Variants in CNOT1 observed in about 807,000 individuals in gnomAD.
The protein encoded by CNOT1 is CCR4-NOT transcription complex subunit 1.
Under a neutral mutation model 273.8 loss-of-function variants are expected in CNOT1, and 15 were observed. The observed-to-expected ratio is 0.05, with a 90% CI of 0.04 to 0.08. The LOEUF (loss-of-function observed/expected upper bound fraction) is 0.08. Among genes scored for constraint, CNOT1 ranks in the 10% least tolerant of loss-of-function variants. CNOT1 has a pLI of 1.00. For missense variants in CNOT1, 1,644 were observed against 2,912.2 expected, an observed-to-expected ratio of 0.56 and a Z score of 10.02; for synonymous variants, 1,022 against 1,005.5, an observed-to-expected ratio of 1.02 and a Z score of -0.31.
chr16:58,535,109 A>G (rs532480210), intron 39 of CNOT1, among the ~76,000 whole-genome samples: 2 of 152,340 alleles, frequency 1.3e-5, no homozygotes, highest in East Asian at 3.9e-4. Flanking sequence ...CAAACAAAAA[A>G]AGACAACAGT....
intron 16 of CNOT1, among the ~76,000 whole-genome samples, chr16:58,570,066 G>GA (rs1358118879): frequency 6.6e-6 from 1 of 152,188 alleles, no homozygotes; most frequent in African/African-American, 2.4e-5. Context: ...ATGGAGGACA[G>GA]AAAGCAGTGG....
rs567298530 is a variant in CNOT1 at position 58,571,748 on chromosome 16, C to T, written c.1979+2861G>A. Among the ~76,000 whole-genome samples the T allele has an allele frequency of 9.2e-5, 14 of 152,092 alleles. No homozygotes were observed. In the East Asian group the frequency reaches 2.1e-3, roughly 23 times the overall value. ...ATCCCAGCACTTTGGGAGGCTGAGG[C>T]GAGTGGATCACTTGAGGTCAGGAGT... On this transcript the variant is annotated intron_variant, in intron 16 of 48. Coordinates refer to ENST00000317147, the MANE Select transcript of CNOT1 (RefSeq NM_016284.5).
At chr16:58,531,823 C>CTAA (rs2039787141) in intron 42 of CNOT1, 135 bp downstream of exon 42, 1 of 1,084,412 alleles carries the variant, frequency 9.2e-7, no homozygotes, top group African/African-American at 1.6e-5. Flanking sequence ...TGAGTGAACA[C>CTAA]TAAATAGCAT....
At chr16:58,526,496 A>G (rs960213888) in intron 44 of CNOT1, among the ~76,000 whole-genome samples, 3 of 142,294 alleles carry the variant, frequency 2.1e-5, no homozygotes, top group African/African-American at 8.3e-5. Flanking sequence ...AAGACCAGAC[A>G]TCACACTTAC....
At chr16:58,579,981 G>A (rs1036482208) in intron 12 of CNOT1, among the ~76,000 whole-genome samples, 2 of 152,126 alleles carry the variant, frequency 1.3e-5, no homozygotes, top group African/African-American at 4.8e-5. Context: ...AGACCGAGGC[G>A]GATGGATCAC....
intron 29 of CNOT1, 70 bp from the exon 30 acceptor site, chr16:58,545,561 A>T: frequency 1.3e-6 from 2 of 1,594,578 alleles, no homozygotes; most frequent in Non-Finnish European, 1.7e-6. Flanking sequence ...TTAGCTTAAT[A>T]TCATTAAGTG....
At chr16:58,546,792 T>C in intron 27 of CNOT1, 43 bp from the exon 28 acceptor site, 1 of 1,610,932 alleles carries the variant, frequency 6.2e-7, no homozygotes, top group African/African-American at 1.3e-5. Context: ...AAATGTGCCC[T>C]TTAATTTGGA....
chr16:58,614,496 T>C lies in CNOT1; in HGVS notation c.-174-14985A>G, dbSNP rs182077638. ...GAACAGGCCCCACCAATAATAACAATAGGCACTGAGTTTCTAGCAAAAGCT... is the reference window on the plus strand; with the variant it reads ...GAACAGGCCCCACCAATAATAACAACAGGCACTGAGTTTCTAGCAAAAGCT... On this transcript the variant is annotated intron_variant, in intron 1 of 48. Coordinates refer to ENST00000317147, the MANE Select transcript of CNOT1 (RefSeq NM_016284.5). Among the ~76,000 whole-genome samples the C allele has an allele frequency of 1.5e-3, 186 of 125,070 alleles. 35 individuals are homozygous for C. Among genetic ancestry groups the C allele is most frequent in the African/African-American group, 4.8e-3 (179 of 37,122 alleles). 82.1% of individuals were successfully genotyped at this position (125,070 alleles called of 152,430 possible). A position where few individuals can be genotyped will look rare whatever the true frequency, so the allele number is the denominator to read the frequency against.
rs11390025 is a variant in CNOT1, at chr16:58,615,024, TA to T, written c.-175+14703del. Among the ~76,000 whole-genome samples the T allele has an allele frequency of 1.6e-3, 172 of 107,116 alleles. 2 individuals carry two copies. Among genetic ancestry groups the T allele is most frequent in the Admixed American group, 1.9e-3 (20 of 10,664 alleles). 70.3% of individuals were successfully genotyped at this position (107,116 alleles called of 152,430 possible). A position where few individuals can be genotyped will look rare whatever the true frequency, so the allele number is the denominator to read the frequency against. ...CACTGGGCCTGTATCCTTTGCTATT[TA>T]AAAAAAAAAAAAAATCAGCCCTGGG... On this transcript the variant is annotated intron_variant, in intron 1 of 48. Coordinates refer to ENST00000317147, the MANE Select transcript of CNOT1 (RefSeq NM_016284.5).
intron 16 of CNOT1, among the ~76,000 whole-genome samples, chr16:58,567,551 CAAAA>C (rs35372389): frequency 9.0e-6 from 1 of 111,668 alleles, no homozygotes. Context: ...GACATCATCT[CAAAA>C]AAAAAAAAAA....
rs1331063489 is a variant in CNOT1, at chr16:58,523,303, A to AG, written c.6917+66dup. On this transcript the variant is annotated intron_variant, in intron 47 of 48. Transcript: ENST00000317147. ...TTCACTGAACACTGAAAGCATAAAG[A>AG]GGAAAAAAAAAAGATGAAAGGGAGG... is the stretch of plus-strand genomic sequence containing the variant. The AG allele has an allele frequency of 1.0e-5, 14 of 1,352,234 alleles. No homozygotes were observed. The African/African-American group carries it at 1.7e-4, about 17-fold the overall frequency. The allele number at this position is 1,352,234 out of a possible 1,614,324, so 83.8% of individuals were successfully genotyped here.
intron 7 of CNOT1, among the ~76,000 whole-genome samples, chr16:58,585,851 T>A (rs1237455260): frequency 6.6e-6 from 1 of 152,154 alleles, no homozygotes. Context: ...AGAATATCAG[T>A]CTATTTATTT....
intron 16 of CNOT1, among the ~76,000 whole-genome samples, chr16:58,567,141 C>T (rs2041073561): frequency 6.6e-6 from 1 of 151,210 alleles, no homozygotes; most frequent in Non-Finnish European, 1.5e-5. Flanking sequence ...GACTGTACAA[C>T]AACACAGTAA....
At chr16:58,567,506 A>G (rs4485352) in intron 16 of CNOT1, among the ~76,000 whole-genome samples, 109,367 of 145,694 alleles carry the variant, frequency 0.75, 41,494 homozygotes, top group Middle Eastern at 0.86. Flanking sequence ...CATGCATGGT[A>G]GCATATACCT....
chr16:58,589,492 A>G (rs2041980888), intron 2 of CNOT1, among the ~76,000 whole-genome samples: 1 of 152,158 alleles, frequency 6.6e-6, no homozygotes, highest in African/African-American at 2.4e-5. Context: ...AGCCTGACCA[A>G]CAAGAGTGAA....
chr16:58,543,979 T>C, intron 30 of CNOT1, 76 bp from the exon 31 acceptor site: 1 of 1,491,288 alleles, frequency 6.7e-7, no homozygotes, highest in South Asian at 1.4e-5. Flanking sequence ...ATCACATTCA[T>C]GATTTTGTAA....
chr16:58,585,135 G>C (rs1384146040), intron 8 of CNOT1, among the ~76,000 whole-genome samples: 2 of 152,162 alleles, frequency 1.3e-5, no homozygotes, highest in African/African-American at 4.8e-5. Context: ...TTGAGAAACT[G>C]GTGAGGGGAA....
At chr16:58,623,663 C>T (rs2043441882) in intron 1 of CNOT1, among the ~76,000 whole-genome samples, 1 of 152,134 alleles carries the variant, frequency 6.6e-6, no homozygotes, top group African/African-American at 2.4e-5. Flanking sequence ...CGCACCTCCT[C>T]ATCCATATCC....
At chr16:58,538,082 T>A in intron 37 of CNOT1, 22 bp from the exon 38 acceptor site, 1 of 1,614,164 alleles carries the variant, frequency 6.2e-7, no homozygotes, top group Non-Finnish European at 8.5e-7. Flanking sequence ...GAAAACATAA[T>A]GTGAGAGGGA....
Sources: allele counts gnomAD v4.1 joint callset (sites outside exome capture counted in the v4.1 genomes callset), GRCh38; gene constraint gnomAD v4.1.1; transcripts MANE v1.5; gene names NCBI Gene and HGNC (gene_info 2026-07-23, HGNC 2026-07-21).